Variants in CDK19 observed in about 807,000 individuals in gnomAD.
CDK19 encodes the protein cyclin dependent kinase 19.
CDK19 carries 20 observed loss-of-function variants against 68.3 expected under a neutral mutation model. That is an observed-to-expected ratio of 0.29 (90% CI 0.21 to 0.43). CDK19 has a LOEUF of 0.43. Among genes scored for constraint, CDK19 ranks in the 20% least tolerant of loss-of-function variants. The pLI is 1.00. For missense variants in CDK19, 339 were observed against 623.5 expected (o/e 0.54, Z 4.86); for synonymous variants, 221 against 222.8 (o/e 0.99, Z 0.07).
chr6:110,788,277 C>T (rs1781377081), intron 1 of CDK19, among the ~76,000 whole-genome samples: 4 of 152,116 alleles, frequency 2.6e-5, no homozygotes, highest in Admixed American at 2.6e-4. Context: ...ACCCTCCTGC[C>T]TCAGCTTCTC....
chr6:110,614,974 G>C (rs1543990), intron 12 of CDK19, among the ~76,000 whole-genome samples: 39,464 of 152,106 alleles, frequency 0.26, 5,363 homozygotes, highest in East Asian at 0.37. Flanking sequence ...ATTCTGGGGT[G>C]TAACAATCCT....
intron 4 of CDK19, among the ~76,000 whole-genome samples, chr6:110,659,905 A>G (rs78194553): frequency 0.021 from 3,163 of 152,308 alleles, 96 homozygotes; most frequent in African/African-American, 0.073. Context: ...ACATGAAAAA[A>G]TTATATATGA....
intron 2 of CDK19, among the ~76,000 whole-genome samples, chr6:110,735,161 G>T (rs1442330700): frequency 1.3e-5 from 2 of 150,582 alleles, no homozygotes; most frequent in Admixed American, 6.6e-5. Flanking sequence ...TGCCCAGGCT[G>T]GTCTCAAACT....
intron 1 of CDK19, among the ~76,000 whole-genome samples, chr6:110,797,283 T>G (rs892008754): frequency 6.6e-6 from 1 of 151,668 alleles, no homozygotes; most frequent in Non-Finnish European, 1.5e-5. Flanking sequence ...AAGGTTGCAG[T>G]GAACCGAGAT....
intron 4 of CDK19, among the ~76,000 whole-genome samples, chr6:110,652,233 G>A (rs896756648): frequency 6.6e-6 from 1 of 152,104 alleles, no homozygotes; most frequent in East Asian, 1.9e-4. Context: ...CAGGGTTCTC[G>A]AAGCTAAGAG....
intron 4 of CDK19, among the ~76,000 whole-genome samples, chr6:110,658,771 T>TG (rs1409113624): frequency 1.3e-5 from 2 of 152,128 alleles, no homozygotes; most frequent in African/African-American, 4.8e-5. Flanking sequence ...TTTGTAAAGC[T>TG]GAAGGGGCTA....
At chr6:110,685,098 A>C (rs1486759395) in intron 2 of CDK19, among the ~76,000 whole-genome samples, 1 of 152,190 alleles carries the variant, frequency 6.6e-6, no homozygotes, top group African/African-American at 2.4e-5. Flanking sequence ...AGATTGTGCC[A>C]CTGCATTCCA....
At chr6:110,775,816 A>G (rs546818189) in intron 1 of CDK19, among the ~76,000 whole-genome samples, 6 of 152,384 alleles carry the variant, frequency 3.9e-5, no homozygotes, top group African/African-American at 1.4e-4. Flanking sequence ...TTAGGAAAGA[A>G]GGAACAAAGT....
At chr6:110,707,890 T>C (rs1292772609) in intron 2 of CDK19, among the ~76,000 whole-genome samples, 1 of 151,840 alleles carries the variant, frequency 6.6e-6, no homozygotes, top group Admixed American at 6.6e-5. Flanking sequence ...GTGAATCTCT[T>C]GAACCCGGGA....
intron 2 of CDK19, among the ~76,000 whole-genome samples, chr6:110,734,138 T>G (rs371486591): frequency 6.6e-6 from 1 of 152,098 alleles, no homozygotes; most frequent in Admixed American, 6.6e-5. Context: ...GCCTGCCAAG[T>G]AGCTGGGATT....
chr6:110,675,145 A>G (rs1228393538), intron 2 of CDK19, among the ~76,000 whole-genome samples: 1 of 152,232 alleles, frequency 6.6e-6, no homozygotes, highest in Non-Finnish European at 1.5e-5. Flanking sequence ...CAGATGTTCA[A>G]TGTAGACAAA....
intron 1 of CDK19, among the ~76,000 whole-genome samples, chr6:110,753,395 T>A (rs1342752948): frequency 6.6e-6 from 1 of 151,986 alleles, no homozygotes; most frequent in South Asian, 2.1e-4. Flanking sequence ...AATAATTTTT[T>A]ATTTTTTTTT....
At chr6:110,646,572 C>A in intron 4 of CDK19, 1 of 927,846 alleles carries the variant, frequency 1.1e-6, no homozygotes, top group Non-Finnish European at 1.5e-6. Context: ...CGGCCACCTG[C>A]AGGGGGTCAA....
At chr6:110,813,708 TTTATAATAG>T (rs1399473479) in intron 1 of CDK19, 1 of 134,684 alleles carries the variant, frequency 7.4e-6, no homozygotes, top group African/African-American at 2.9e-5. Context: ...GACAAAACAC[TTTATAATAG>T]AGTTGTTTTA....
chr6:110,769,473 G>A (rs1020506052), intron 1 of CDK19, among the ~76,000 whole-genome samples: 9 of 151,478 alleles, frequency 5.9e-5, no homozygotes, highest in Non-Finnish European at 1.2e-4. Flanking sequence ...GCTGAGGCAG[G>A]AGAATCGCTT....
At chr6:110,792,023 T>C (rs1562292193) in intron 1 of CDK19, among the ~76,000 whole-genome samples, 1 of 151,176 alleles carries the variant, frequency 6.6e-6, no homozygotes, top group South Asian at 2.1e-4. Context: ...CAGGCTGGAG[T>C]GCAGTGGCAT....
intron 4 of CDK19, among the ~76,000 whole-genome samples, chr6:110,650,016 G>A (rs1780864273): frequency 6.6e-6 from 1 of 151,932 alleles, no homozygotes; most frequent in African/African-American, 2.4e-5. Context: ...AAAAAATTGT[G>A]GTAGAGTCAC....
At position 110,643,206 on chromosome 6, in the gene CDK19, G is replaced by A. The variant is rs59615930; in HGVS notation, c.457-4500C>T. 0.011 allele frequency: 14,677 copies of A among 1,286,982 alleles called. 1,449 individuals are homozygous for A. The East Asian group carries it at 0.35, about 31-fold the overall frequency. 79.7% of individuals were successfully genotyped at this position (1,286,982 alleles called of 1,614,324 possible). The stretch of plus-strand genomic sequence containing the variant: ...AAACACTTACCAACTTAGGCCTGAC[G>A]AGTAAAACAATACATTTTCCAGCTA... On this transcript the variant is annotated intron_variant, in intron 4 of 12. Coordinates refer to ENST00000368911, the MANE Select transcript of CDK19 (RefSeq NM_015076.5).
At position 110,790,894 on chromosome 6, in the gene CDK19, G is replaced by A. The variant is rs968151941; in HGVS notation, c.128+24115C>T. Among the ~76,000 whole-genome samples the A allele has an allele frequency of 3.9e-5, 6 of 152,158 alleles. 1 individual carries two copies. The highest frequency in any genetic ancestry group is 6.8e-3 in the Middle Eastern group (2 of 294). The stretch of plus-strand genomic sequence containing the variant: ...TTATTAAAAATGTAGAACAAGGGCC[G>A]GGTGCGGTGGCTCACGCCTGTAATC... On this transcript the variant is annotated intron_variant, in intron 1 of 12. Transcript: ENST00000368911.
Sources: allele counts gnomAD v4.1 joint callset (sites outside exome capture counted in the v4.1 genomes callset), GRCh38; gene constraint gnomAD v4.1.1; transcripts MANE v1.5; gene names NCBI Gene and HGNC (gene_info 2026-07-23, HGNC 2026-07-21).